The following LACC1 variants were observed in gnomAD, a reference collection of about 807,000 sequenced individuals.
LACC1 encodes the protein laccase domain multifunctional purine nucleosidase 1.
In LACC1, 25 loss-of-function variants were observed where a neutral mutation model predicts 34.8. The observed-to-expected ratio is 0.72, with a 90% CI of 0.52 to 1.00. The LOEUF is 1.00. Among genes scored for constraint, LACC1 ranks in the 50% least tolerant of loss-of-function variants. The pLI is 0.00. For missense variants in LACC1, 426 were observed against 511.2 expected (o/e 0.83, Z 1.61); for synonymous variants, 162 against 168.0 (o/e 0.96, Z 0.28).
chr13:43,889,921 G>T, intron 5 of LACC1, 193 bp from the exon 6 acceptor site: 1 of 537,358 alleles, frequency 1.9e-6, no homozygotes, highest in Non-Finnish European at 3.3e-6. Context: ...ATGAACTTAG[G>T]TGATAAATGC....
At chr13:43,881,579 TGTA>T in intron 2 of LACC1, 32 bp downstream of exon 2, 2 of 1,477,360 alleles carry the variant, frequency 1.4e-6, no homozygotes, top group Non-Finnish European at 1.8e-6. Context: ...GTTTTTACTT[TGTA>T]CATGGAAAAC....
At position 43,881,525 on chromosome 13, in the gene LACC1, T is replaced by G. The variant is rs754001126; in HGVS notation, c.540T>G (p.Ile180Met). 1.9e-6 allele frequency: 3 copies of G among 1,604,632 alleles called. No individual in the cohort carries two copies. The African/African-American group carries it at 4.0e-5, about 22-fold the overall frequency. ...CAGCACTGAGAGGAAAATTAACTAT[T>G]ATCACTTCTTCTTTGATCCCAGGTA... ...SLPALRGKLT[I>M]ITSSLIPDIF... Residue 180 changes from isoleucine to methionine, a missense_variant, in exon 2 of 7, where the codon ATT becomes ATG. By Grantham distance (10) the Ile-to-Met change is conservative (BLOSUM62 1). Around this residue, in one of 2 missense-constraint regions of LACC1, gnomAD observed 217 missense variants for 210.9 expected, o/e 1.03. Transcript: ENST00000325686.
In LACC1 at chr13:43,888,788, G is replaced by A; in HGVS notation, c.939G>A (p.Met313Ile). 1 of 1,613,782 alleles carries A rather than the reference G, an allele frequency of 6.2e-7. No individual in the cohort carries two copies. The highest frequency in any genetic ancestry group is 8.5e-7 in the Non-Finnish European group (1 of 1,179,764). ...GWKGTLLGVA[M>I]ATVNAMIAEY... ...AAGGTACTTTGTTGGGTGTTGCTATGGCTACAGTGAATGCTATGATAGCAG... is the reference window on the plus strand; with the variant it reads ...AAGGTACTTTGTTGGGTGTTGCTATAGCTACAGTGAATGCTATGATAGCAG... The change falls in exon 5 of 7, where the codon ATG becomes ATA. Residue 313 changes from methionine (M) to isoleucine (I), a missense_variant. Physicochemically the swap from Met to Ile is conservative, Grantham distance 10. Around this residue, in one of 2 missense-constraint regions of LACC1, gnomAD observed 209 missense variants for 300.3 expected, o/e 0.70. Coordinates refer to ENST00000325686, the MANE Select transcript of LACC1 (RefSeq NM_153218.4).
chr13:43,881,090 T>G lies in LACC1; in HGVS notation c.105T>G (p.His35Gln). ...LKTLNAVQYH[H>Q]AAKAKFLCIM... ...CTTTGAATGCTGTCCAATACCACCA[T>G]GCTGCCAAGGCCAAGTTTCTCTGTA... is the stretch of plus-strand genomic sequence containing the variant. Residue 35 changes from histidine to glutamine, a missense_variant, in exon 2 of 7, where the codon CAT becomes CAG. Coordinates refer to ENST00000325686, the MANE Select transcript of LACC1 (RefSeq NM_153218.4). The G allele has an allele frequency of 6.2e-7, 1 of 1,614,200 alleles. No homozygotes were observed. Among genetic ancestry groups the G allele is most frequent in the Non-Finnish European group, 8.5e-7 (1 of 1,180,020 alleles).
rs1383151886 is a variant in LACC1, at chr13:43,892,361, G to C, written c.*914G>C. Reference sequence around the variant, plus strand: ...GGAAATTAAAATAGGGAAGAGAGTAGATGGATTAGAGAGACATTTAAGAGA... The same window carrying C: ...GGAAATTAAAATAGGGAAGAGAGTACATGGATTAGAGAGACATTTAAGAGA... On this transcript the variant is annotated 3_prime_UTR_variant, in exon 7 of 7. Transcript: ENST00000325686. 6.6e-6 allele frequency: 1 copy of C among 151,922 alleles called. No homozygotes were observed. Among genetic ancestry groups the C allele is most frequent in the Non-Finnish European group, 1.5e-5 (1 of 67,956 alleles). 9.4% of individuals were successfully genotyped at this position (151,922 alleles called of 1,614,324 possible).
chr13:43,889,391 T>A (rs1955471987), intron 5 of LACC1, among the ~76,000 whole-genome samples: 1 of 152,184 alleles, frequency 6.6e-6, no homozygotes, highest in Admixed American at 6.5e-5. Flanking sequence ...ATATGTTTTT[T>A]AGAAAAAATA....
At chr13:43,888,251 G>A (rs1218551903) in intron 4 of LACC1, among the ~76,000 whole-genome samples, 1 of 152,068 alleles carries the variant, frequency 6.6e-6, no homozygotes. Context: ...GTAATCAAAT[G>A]TACAGGAACT....
chr13:43,886,742 C>T (rs147188357), intron 4 of LACC1, among the ~76,000 whole-genome samples: 2,450 of 151,542 alleles, frequency 0.016, 55 homozygotes, highest in African/African-American at 0.053. Flanking sequence ...ATATGTACCC[C>T]GAACCTAAAA....
intron 1 of LACC1, among the ~76,000 whole-genome samples, chr13:43,880,363 C>A (rs1233132579): frequency 3.3e-5 from 5 of 152,156 alleles, no homozygotes; most frequent in South Asian, 2.1e-4. Flanking sequence ...GTGAGCAAAG[C>A]TGCACGGGGA....
chr13:43,882,139 T>TCTA, intron 2 of LACC1, 46 bp from the exon 3 acceptor site: 1 of 1,447,732 alleles, frequency 6.9e-7, no homozygotes, highest in South Asian at 1.3e-5. Context: ...GAGAGACTGG[T>TCTA]ATTTTGAATA....
At chr13:43,886,980 C>A (rs1344688807) in intron 4 of LACC1, among the ~76,000 whole-genome samples, 1 of 151,912 alleles carries the variant, frequency 6.6e-6, no homozygotes, top group Non-Finnish European at 1.5e-5. Flanking sequence ...AGGAAGAGAG[C>A]TACTCTCATC....
Position 43,892,525 on chromosome 13 carries a change from GAGA to G in LACC1, c.*1081_*1083del, listed in dbSNP as rs1024842853. 6.6e-6 allele frequency: 1 copy of G among 152,044 alleles called. No individual in the cohort carries two copies. Among genetic ancestry groups the G allele is most frequent in the African/African-American group, 2.4e-5 (1 of 41,418 alleles). 9.4% of individuals were successfully genotyped at this position (152,044 alleles called of 1,614,324 possible). The stretch of plus-strand genomic sequence containing the variant: ...GGGAGGGAGAAGGTTTGGAAAAAGA[GAGA>G]AGGATAATGAGTTTGACTTTACATA... On this transcript the variant is annotated 3_prime_UTR_variant, in exon 7 of 7. Coordinates refer to ENST00000325686, the MANE Select transcript of LACC1 (RefSeq NM_153218.4).
At position 43,888,969 on chromosome 13, in the gene LACC1, C is replaced by T. The variant is rs928425200; in HGVS notation, c.1120C>T (p.Arg374Cys). 6 of 1,611,924 alleles carry T rather than the reference C, an allele frequency of 3.7e-6. No homozygotes were observed. The highest frequency in any genetic ancestry group is 1.7e-5 in the Admixed American group (1 of 59,956). Residue 374 changes from arginine to cysteine, a missense_variant, in exon 5 of 7, where the codon CGT becomes TGT. Arg to Cys is a radical substitution (Grantham distance 180, BLOSUM62 -3). This residue lies in a region of LACC1 where 209 missense variants were observed against 300.3 expected (regional missense o/e 0.70). Coordinates refer to ENST00000325686, the MANE Select transcript of LACC1 (RefSeq NM_153218.4). ...TTCACCAAATCCCTGTATCGACATC[C>T]GTAAAGCCACAAGGTATGTCTGATT... ...FDSPNPCIDI[R>C]KATRILLEQG...
At position 43,881,471 on chromosome 13, in the gene LACC1, T is replaced by A. The variant is rs1011180471; in HGVS notation, c.486T>A (p.Asn162Lys). ...CTCAAGAACTAAGAGGAATTCAGAA[T>A]GAAATAGAAACATTTTTGAGAAGTC... ...ITAQELRGIQ[N>K]EIETFLRSLP... Residue 162 changes from asparagine to lysine, a missense_variant, in exon 2 of 7, where the codon AAT becomes AAA. By Grantham distance (94) the Asn-to-Lys change is moderately conservative (BLOSUM62 0). Coordinates refer to ENST00000325686, the MANE Select transcript of LACC1 (RefSeq NM_153218.4). The A allele has an allele frequency of 2.5e-6, 4 of 1,613,766 alleles. No homozygotes were observed. Among genetic ancestry groups the A allele is most frequent in the Non-Finnish European group, 3.4e-6 (4 of 1,179,934 alleles).
At position 43,890,114 on chromosome 13, in the gene LACC1, G is replaced by T; in HGVS notation, c.1134G>T (p.Arg378Ser). The change falls in exon 6 of 7, where the codon AGG (arginine) becomes AGT (serine). Residue 378 changes from arginine to serine, a missense_variant and splice_region_variant. Coordinates refer to ENST00000325686, the MANE Select transcript of LACC1 (RefSeq NM_153218.4). ...TCTTTTGAAAAATATTTTTCCTAAG[G>T]ATTCTTCTAGAACAGGGAGGAATTC... ...NPCIDIRKATRILLEQGGILP... is the reference protein window; with the variant it reads ...NPCIDIRKATSILLEQGGILP... The T allele has an allele frequency of 6.2e-7, 1 of 1,600,576 alleles. No homozygotes were observed. The highest frequency in any genetic ancestry group is 8.5e-7 in the Non-Finnish European group (1 of 1,174,262).
intron 5 of LACC1, among the ~76,000 whole-genome samples, chr13:43,889,303 C>G (rs1472185685): frequency 1.3e-5 from 2 of 152,100 alleles, no homozygotes; most frequent in African/African-American, 2.4e-5. Flanking sequence ...CATTCCTCAG[C>G]TAAATTCTCC....
chr13:43,882,116 G>C (rs1435921458), intron 2 of LACC1, 69 bp from the exon 3 acceptor site: 1 of 1,215,392 alleles, frequency 8.2e-7, no homozygotes, highest in African/African-American at 1.5e-5. Context: ...CAGTGATCAG[G>C]GAAGGTCTAA....
At chr13:43,888,157 C>A (rs982157388) in intron 4 of LACC1, among the ~76,000 whole-genome samples, 5 of 151,982 alleles carry the variant, frequency 3.3e-5, no homozygotes, top group East Asian at 1.9e-4. Context: ...TATAGATGAA[C>A]CTTAAGGACA....
chr13:43,890,320 C>G, intron 6 of LACC1, 46 bp downstream of exon 6: 2 of 1,490,128 alleles, frequency 1.3e-6, no homozygotes, highest in Admixed American at 1.8e-5. Flanking sequence ...TCTCTTTCAT[C>G]CCTCTCTCCA....
Sources: allele counts gnomAD v4.1 joint callset (sites outside exome capture counted in the v4.1 genomes callset), GRCh38; gene constraint gnomAD v4.1.1; regional missense constraint gnomAD v4.1.1; transcripts MANE v1.5; gene names NCBI Gene and HGNC (gene_info 2026-07-23, HGNC 2026-07-21).